The following THSD4 variants were observed in gnomAD, a reference collection of about 807,000 sequenced individuals.
THSD4 encodes thrombospondin type-1 domain-containing protein 4.
In THSD4, 69 loss-of-function variants were observed where a neutral mutation model predicts 119.0. The observed-to-expected ratio is 0.58, with a 90% confidence interval of 0.48 to 0.71. The LOEUF (loss-of-function observed/expected upper bound fraction) is 0.71. Ranked by LOEUF, THSD4 falls within the 30% of genes least tolerant of loss-of-function variation. The pLI is 0.00. For synonymous variants in THSD4, 524 were observed against 540.4 expected, an observed-to-expected ratio of 0.97 and a Z score of 0.42; for missense variants, 1,393 against 1,391.1, an observed-to-expected ratio of 1.00 and a Z score of -0.02.
intron 6 of THSD4, among the ~76,000 whole-genome samples, chr15:71,328,599 C>T (rs945062961): frequency 1.3e-5 from 2 of 152,148 alleles, no homozygotes; most frequent in Non-Finnish European, 2.9e-5. Context: ...AGCATTCTAG[C>T]GAGAGAGAAT....
chr15:71,165,334 T>G (rs935666666), intron 3 of THSD4: 3 of 1,567,922 alleles, frequency 1.9e-6, no homozygotes, highest in African/African-American at 2.7e-5. Context: ...GGGTGCTTCT[T>G]CTTATGCTCC....
At chr15:71,560,970 C>CATTTTTTTT (rs200892599) in intron 7 of THSD4, among the ~76,000 whole-genome samples, 1 of 123,990 alleles carries the variant, frequency 8.1e-6, no homozygotes. Flanking sequence ...TTCTCTTTAT[C>CATTTTTTTT]TTTTTTTTTT....
rs751244076 is a variant in THSD4 at position 71,243,096 on chromosome 15, C to T, written c.912C>T (p.Asn304=). 35 of 1,609,208 alleles carry T rather than the reference C, an allele frequency of 2.2e-5. No individual in the cohort carries two copies. The highest frequency in any genetic ancestry group is 3.4e-5 in the Admixed American group (2 of 59,588). The change falls in exon 5 of 18, where the codon AAC becomes AAT. Residue 304 remains asparagine (N), a splice_region_variant and synonymous_variant. Transcript: ENST00000261862. ...AYRQYKLCNT[N]VCPESSRSIR... ...GGCAGTACAAGCTGTGCAACACCAA[C>T]GTGAGTACACACAACCCATACCGGG...
chr15:71,200,484 CT>C (rs1355314903), intron 3 of THSD4, among the ~76,000 whole-genome samples: 1 of 152,074 alleles, frequency 6.6e-6, no homozygotes, highest in Admixed American at 6.6e-5. Context: ...GAAAGAGAAT[CT>C]GAGAATAGTA....
At chr15:71,518,037 A>G (rs889875773) in intron 7 of THSD4, among the ~76,000 whole-genome samples, 4 of 152,204 alleles carry the variant, frequency 2.6e-5, no homozygotes, top group African/African-American at 9.6e-5. Flanking sequence ...TTAATTATCC[A>G]GAGATTCCAA....
At chr15:71,419,475 T>C (rs2046788218) in intron 7 of THSD4, among the ~76,000 whole-genome samples, 1 of 108,724 alleles carries the variant, frequency 9.2e-6, no homozygotes, top group South Asian at 2.8e-4. Flanking sequence ...TGCTGGGATA[T>C]AGGCATGAGC....
At chr15:71,456,264 C>T (rs1036069230) in intron 7 of THSD4, among the ~76,000 whole-genome samples, 1 of 152,214 alleles carries the variant, frequency 6.6e-6, no homozygotes, top group African/African-American at 2.4e-5. Context: ...ACTCCCTTCA[C>T]CTCACAGTTT....
intron 7 of THSD4, among the ~76,000 whole-genome samples, chr15:71,485,948 T>C (rs1428304841): frequency 2.0e-5 from 3 of 152,156 alleles, no homozygotes; most frequent in Non-Finnish European, 4.4e-5. Flanking sequence ...CAGGAATAGC[T>C]CCCCCTTTGC....
intron 7 of THSD4, among the ~76,000 whole-genome samples, chr15:71,561,137 G>C (rs2049109590): frequency 6.6e-6 from 1 of 151,896 alleles, no homozygotes; most frequent in Non-Finnish European, 1.5e-5. Context: ...ACCACACCCG[G>C]CTCATTTTTT....
chr15:71,577,286 A>C (rs1019142116), intron 7 of THSD4, among the ~76,000 whole-genome samples: 3 of 152,226 alleles, frequency 2.0e-5, no homozygotes, highest in African/African-American at 7.2e-5. Flanking sequence ...CTGATTGACT[A>C]ATCCACTGAT....
chr15:71,344,599 A>G (rs2045630428), intron 6 of THSD4, among the ~76,000 whole-genome samples: 1 of 152,154 alleles, frequency 6.6e-6, no homozygotes, highest in Non-Finnish European at 1.5e-5. Context: ...AGTACTCAGC[A>G]CTGTGCCGTA....
intron 2 of THSD4, among the ~76,000 whole-genome samples, chr15:71,143,700 C>CTTTTTTTTTTTTTTCTTTT (rs2040628072): frequency 9.9e-6 from 1 of 100,732 alleles, no homozygotes; most frequent in Admixed American, 1.0e-4. Context: ...TTTTTTCTTT[C>CTTTTTTTTTTTTTTCTTTT]TTTTTTTTTT....
intron 4 of THSD4, among the ~76,000 whole-genome samples, chr15:71,239,097 G>A (rs1458672975): frequency 6.6e-6 from 1 of 152,150 alleles, no homozygotes; most frequent in Non-Finnish European, 1.5e-5. Flanking sequence ...TTACATAAAG[G>A]CAAATACTTG....
intron 6 of THSD4, among the ~76,000 whole-genome samples, chr15:71,363,578 A>T (rs1334256540): frequency 1.3e-5 from 2 of 152,232 alleles, no homozygotes; most frequent in Non-Finnish European, 2.9e-5. Context: ...AAGAACAAAA[A>T]GCGAAATCAT....
At position 71,289,263 on chromosome 15, in the gene THSD4, G is replaced by T. The variant is rs2044759709; in HGVS notation, c.1015+32548G>T. On this transcript the variant is annotated intron_variant, in intron 6 of 17. Coordinates refer to ENST00000261862, the MANE Select transcript of THSD4 (RefSeq NM_024817.3). ...TGCTCAGCCATGTGCAACCAGGAGGGTAGGGAGGTGGCACTGCTGGGAGAT... is the reference window on the plus strand; with the variant it reads ...TGCTCAGCCATGTGCAACCAGGAGGTTAGGGAGGTGGCACTGCTGGGAGAT... Among the ~76,000 whole-genome samples the T allele has an allele frequency of 3.9e-5, 6 of 152,292 alleles. No homozygotes were observed. In the South Asian group the frequency reaches 1.2e-3, roughly 32 times the overall value.
chr15:71,128,747 C>A (rs1381896467), intron 1 of THSD4, among the ~76,000 whole-genome samples: 1 of 151,884 alleles, frequency 6.6e-6, no homozygotes, highest in Admixed American at 6.6e-5. Context: ...CTTTTGAAAA[C>A]AAATTTGAAA....
intron 6 of THSD4, among the ~76,000 whole-genome samples, chr15:71,355,473 T>G (rs1241247718): frequency 6.6e-6 from 1 of 152,212 alleles, no homozygotes; most frequent in Non-Finnish European, 1.5e-5. Flanking sequence ...TCTCTCAGTT[T>G]GTTGCATTTC....
intron 6 of THSD4, among the ~76,000 whole-genome samples, chr15:71,352,051 T>G (rs1337837152): frequency 6.6e-6 from 1 of 152,238 alleles, no homozygotes; most frequent in African/African-American, 2.4e-5. Flanking sequence ...CTGTCCTTTT[T>G]GGCTTCCAAA....
At chr15:71,362,113 C>T (rs2045899643) in intron 6 of THSD4, among the ~76,000 whole-genome samples, 1 of 152,136 alleles carries the variant, frequency 6.6e-6, no homozygotes, top group Non-Finnish European at 1.5e-5. Context: ...CCCATCTCTA[C>T]TAAAAATACA....
Sources: allele counts gnomAD v4.1 joint callset (sites outside exome capture counted in the v4.1 genomes callset), GRCh38; gene constraint gnomAD v4.1.1; transcripts MANE v1.5; gene names NCBI Gene and HGNC (gene_info 2026-07-23, HGNC 2026-07-21).